Variants in MALRD1 observed in about 807,000 individuals in gnomAD.
The protein encoded by MALRD1 is MAM and LDL receptor class A domain containing 1.
MALRD1 carries 247 observed loss-of-function variants against 242.1 expected under a neutral mutation model. That is an observed-to-expected ratio of 1.02 (90% CI 0.92 to 1.13). The LOEUF (loss-of-function observed/expected upper bound fraction) is 1.13. MALRD1 is among the 50% of genes most tolerant of loss of function. The pLI is 0.00. For missense variants in MALRD1, 2,989 were observed against 2,533.1 expected, an observed-to-expected ratio of 1.18 and a Z score of -3.86; for synonymous variants, 995 against 866.6, an observed-to-expected ratio of 1.15 and a Z score of -2.60.
chr10:19,072,203 G>T (rs562779396), intron 2 of MALRD1, among the ~76,000 whole-genome samples: 1 of 152,012 alleles, frequency 6.6e-6, no homozygotes, highest in Non-Finnish European at 1.5e-5. Flanking sequence ...AATTTCCATC[G>T]AACAACTCAT....
chr10:19,450,161 T>TCA, intron 28 of MALRD1, 146 bp from the exon 29 acceptor site: 1 of 702,952 alleles, frequency 1.4e-6, no homozygotes, highest in Non-Finnish European at 2.3e-6. Flanking sequence ...ATTTGTAAGA[T>TCA]CACCTTTCAC....
At chr10:19,169,281 A>G (rs1167982478) in intron 13 of MALRD1, among the ~76,000 whole-genome samples, 1 of 152,176 alleles carries the variant, frequency 6.6e-6, no homozygotes, top group Admixed American at 6.5e-5. Flanking sequence ...GACTTTAGAT[A>G]AGGAACTGTG....
intron 19 of MALRD1, among the ~76,000 whole-genome samples, chr10:19,261,506 A>T (rs16918435): frequency 0.015 from 2,260 of 150,302 alleles, 59 homozygotes; most frequent in African/African-American, 0.052. Flanking sequence ...TCATAGCATC[A>T]TGTTATCTGA....
chr10:19,726,218 T>C (rs1053155488), intron 38 of MALRD1, among the ~76,000 whole-genome samples: 1 of 152,140 alleles, frequency 6.6e-6, no homozygotes, highest in African/African-American at 2.4e-5. Context: ...AAAAGTTTAA[T>C]ATCCAGAATA....
chr10:19,108,859 CT>C (rs1836571849), intron 5 of MALRD1, among the ~76,000 whole-genome samples: 1 of 151,996 alleles, frequency 6.6e-6, no homozygotes, highest in Non-Finnish European at 1.5e-5. Flanking sequence ...TATTGTGTTT[CT>C]TTGGTCGTAT....
chr10:19,281,285 C>G (rs550471404), intron 20 of MALRD1, among the ~76,000 whole-genome samples: 13 of 152,092 alleles, frequency 8.5e-5, no homozygotes, highest in Non-Finnish European at 1.5e-4. Context: ...TTCAGACTTG[C>G]TCATCGGAAG....
chr10:19,236,104 C>T (rs900698596), intron 18 of MALRD1, among the ~76,000 whole-genome samples: 3 of 152,142 alleles, frequency 2.0e-5, no homozygotes, highest in African/African-American at 7.2e-5. Flanking sequence ...TCATATGCAT[C>T]TGTTATTTTA....
At chr10:19,529,056 T>G (rs946423398) in intron 31 of MALRD1, among the ~76,000 whole-genome samples, 2 of 152,110 alleles carry the variant, frequency 1.3e-5, no homozygotes, top group Admixed American at 1.3e-4. Flanking sequence ...GCCCACACAC[T>G]TTGGTGAATG....
intron 38 of MALRD1, among the ~76,000 whole-genome samples, chr10:19,705,231 G>A (rs553525631): frequency 1.4e-4 from 21 of 152,076 alleles, no homozygotes; most frequent in African/African-American, 2.4e-4. Context: ...CCTAGTCTGC[G>A]CCCACCGATG....
chr10:19,375,541 T>C (rs1463955207), intron 26 of MALRD1, among the ~76,000 whole-genome samples: 2 of 152,168 alleles, frequency 1.3e-5, no homozygotes, highest in Admixed American at 1.3e-4. Context: ...ATCCTCACCA[T>C]ACTGTCACCC....
chr10:19,387,564 G>GA lies in MALRD1; in HGVS notation c.4482dup (p.Cys1495MetfsTer3). ...CTTGGCTATAGGGAATGTCATAATG[G>GA]AAAATGCTATAGGCTGGAACAAAGC... On this transcript the variant is annotated frameshift_variant, in exon 27 of 40. Coordinates refer to ENST00000454679, the MANE Select transcript of MALRD1 (RefSeq NM_001142308.3). LOFTEE classifies it high-confidence loss of function. 2 of 1,550,384 alleles carry GA rather than the reference G, an allele frequency of 1.3e-6. No individual in the cohort carries two copies. The highest frequency in any genetic ancestry group is 1.4e-5 in the African/African-American group (1 of 73,142).
chr10:19,567,576 ATATGGCTCT>A lies in MALRD1; in HGVS notation c.5554_5562del (p.Tyr1852_Ser1854del). On this transcript the variant is annotated inframe_deletion, in exon 33 of 40. Coordinates refer to ENST00000454679, the MANE Select transcript of MALRD1 (RefSeq NM_001142308.3). ...TTGGAAATAAAAGAACGGGATGGAC[ATATGGCTCT>A]GTGCCTCTCTCCAGTAACAGTCCGT... is the stretch of plus-strand genomic sequence containing the variant. The A allele has an allele frequency of 6.4e-7, 1 of 1,550,556 alleles. No homozygotes were observed. Among genetic ancestry groups the A allele is most frequent in the Non-Finnish European group, 8.7e-7 (1 of 1,146,948 alleles).
rs957318258 is a variant in MALRD1, at chr10:19,706,350, CT to C, written c.6314+13799del. 1.9e-4 allele frequency among the ~76,000 whole-genome samples: 29 copies of C among 152,024 alleles called. 1 individual carries two copies. The highest frequency in any genetic ancestry group is 5.9e-5 in the Non-Finnish European group (4 of 67,986). On this transcript the variant is annotated intron_variant, in intron 38 of 39. Transcript: ENST00000454679. ...ATTTTATTTGAGATGGACTTTTGCT[CT>C]TTCGCCCAGGCTAGAGGCTGGATTG...
Position 19,610,535 on chromosome 10 carries a change from G to A in MALRD1, c.6070+2633G>A, listed in dbSNP as rs927295788. Among the ~76,000 whole-genome samples, 5 of 151,980 alleles carry A rather than the reference G, an allele frequency of 3.3e-5. No individual in the cohort carries two copies. In the South Asian group the frequency reaches 8.3e-4, roughly 25 times the overall value. On this transcript the variant is annotated intron_variant, in intron 35 of 39. Coordinates refer to ENST00000454679, the MANE Select transcript of MALRD1 (RefSeq NM_001142308.3). The stretch of plus-strand genomic sequence containing the variant: ...ACTTGGTTTGTTGCACAAAATCTTC[G>A]GGTGGACTCCTAGGTGTATATATCT...
intron 21 of MALRD1, among the ~76,000 whole-genome samples, chr10:19,315,224 A>C: frequency 8.9e-6 from 1 of 112,222 alleles, no homozygotes; most frequent in Non-Finnish European, 1.7e-5. Flanking sequence ...ATAAATATAT[A>C]AATATAATTT....
rs1463645458 is a variant in MALRD1, at chr10:19,594,770, G to T, written c.5681-424G>T. Among the ~76,000 whole-genome samples, 4 of 152,098 alleles carry T rather than the reference G, an allele frequency of 2.6e-5. No individual in the cohort carries two copies. In the East Asian group the frequency reaches 7.7e-4, roughly 29 times the overall value. ...ATATTGTATATTCTCATGTATAAAT[G>T]GGAGCTAAGCTGTGAGGATGCAAAT... On this transcript the variant is annotated intron_variant, in intron 33 of 39. Transcript: ENST00000454679.
At chr10:19,381,749 G>A (rs1256440730) in intron 26 of MALRD1, among the ~76,000 whole-genome samples, 1 of 151,940 alleles carries the variant, frequency 6.6e-6, no homozygotes. Context: ...TGAGGCAGGA[G>A]AATTGCTTGA....
At chr10:19,626,644 C>T (rs918679288) in intron 36 of MALRD1, among the ~76,000 whole-genome samples, 1 of 151,506 alleles carries the variant, frequency 6.6e-6, no homozygotes, top group Admixed American at 6.6e-5. Flanking sequence ...GAGGCCTATA[C>T]TGAATAGTAC....
intron 18 of MALRD1, among the ~76,000 whole-genome samples, chr10:19,246,136 G>A (rs1315955097): frequency 6.6e-6 from 1 of 152,060 alleles, no homozygotes; most frequent in South Asian, 2.1e-4. Context: ...ATATTAGTTT[G>A]CTGATACTAT....
Sources: gnomAD v4.1 joint callset for allele counts (sites outside exome capture counted in the v4.1 genomes callset) on GRCh38, gnomAD v4.1.1 for gene constraint, MANE v1.5 for transcripts, NCBI Gene and HGNC (gene_info 2026-07-23, HGNC 2026-07-21) for gene names.